ITGAE: variants seen among roughly 807,000 people sequenced by gnomAD.
ITGAE encodes the protein integrin alpha-E.
ITGAE carries 99 observed loss-of-function variants against 136.5 expected under a neutral mutation model. That is an observed-to-expected ratio of 0.73 (90% CI 0.62 to 0.86). The LOEUF (loss-of-function observed/expected upper bound fraction) is 0.86. Among genes scored for constraint, ITGAE ranks in the 40% least tolerant of loss-of-function variants. The probability of loss-of-function intolerance (pLI) is 0.00; values close to 1 mark genes in which losing one functional copy is unlikely to be tolerated. For missense variants in ITGAE, 1,447 were observed against 1,515.3 expected (o/e 0.95, Z 0.75); for synonymous variants, 613 against 591.8 (o/e 1.04, Z -0.52).
chr17:3,719,525 T>C (rs1217147315), intron 29 of ITGAE, among the ~76,000 whole-genome samples: 1 of 152,162 alleles, frequency 6.6e-6, no homozygotes, highest in Admixed American at 6.6e-5. Flanking sequence ...AAGCATTCAG[T>C]CCACAAATCA....
intron 20 of ITGAE, among the ~76,000 whole-genome samples, chr17:3,736,848 T>A (rs2051468996): frequency 6.6e-6 from 1 of 150,910 alleles, no homozygotes; most frequent in Non-Finnish European, 1.5e-5. Context: ...GCCTAGGAAG[T>A]AATGTGAGGT....
intron 1 of ITGAE, among the ~76,000 whole-genome samples, chr17:3,800,770 AACAAACT>A (rs2053237089): frequency 2.0e-5 from 3 of 152,182 alleles, no homozygotes; most frequent in African/African-American, 7.2e-5. Flanking sequence ...ACACTCAGAG[AACAAACT>A]ACAGAGTCAA....
intron 4 of ITGAE, 51 bp from the exon 5 acceptor site, chr17:3,761,571 C>A: frequency 6.7e-7 from 1 of 1,491,368 alleles, no homozygotes; most frequent in Non-Finnish European, 9.1e-7. Flanking sequence ...TCCCGATTCC[C>A]GAGCCACAGC....
chr17:3,722,533 C>T (rs909322809), intron 28 of ITGAE: 1 of 149,254 alleles, frequency 6.7e-6, no homozygotes, highest in African/African-American at 2.5e-5. Flanking sequence ...TAAGAAGAAA[C>T]CACCTACGTC....
intron 1 of ITGAE, among the ~76,000 whole-genome samples, chr17:3,784,093 T>C (rs1022816172): frequency 1.3e-5 from 2 of 152,122 alleles, no homozygotes; most frequent in South Asian, 2.1e-4. Context: ...ACCCCGTCTC[T>C]ACTAAAAATA....
chr17:3,795,965 GCGTGTGTGCATCCGTGTGTGCATC>G (rs2053069142), intron 1 of ITGAE, among the ~76,000 whole-genome samples: 1 of 134,338 alleles, frequency 7.4e-6, no homozygotes, highest in Non-Finnish European at 1.6e-5. Context: ...CCCTGTGTGT[GCGTGTGTGCATCCGTGTGTGCATC>G]TGTGTGTGCA....
At chr17:3,725,140 T>C in intron 26 of ITGAE, 2 of 1,614,114 alleles carry the variant, frequency 1.2e-6, no homozygotes, top group Non-Finnish European at 1.7e-6. Flanking sequence ...GTGTCAGAGG[T>C]CTGCAGCATC....
rs770019742 is a variant in ITGAE, at chr17:3,777,558, G to A, written c.137C>T (p.Pro46Leu). The change falls in exon 2 of 31, where the codon CCC (proline) becomes CTC (leucine). Residue 46 changes from proline (P) to leucine (L), a missense_variant. Physicochemically the swap from Pro to Leu is moderately conservative, Grantham distance 98 (BLOSUM62 -3). Coordinates refer to ENST00000263087, the MANE Select transcript of ITGAE (RefSeq NM_002208.5). ...FVLSSLLHQDPSTNQTWLLVT... is the reference protein window; with the variant it reads ...FVLSSLLHQDLSTNQTWLLVT... The stretch of plus-strand genomic sequence containing the variant: ...TACTCACCAGGTCTGGTTGGTGCTG[G>A]GGTCTTGGTGCAGAAGGGAGCTGAG... 3.7e-6 allele frequency: 6 copies of A among 1,613,672 alleles called. No homozygotes were observed. In the East Asian group the frequency reaches 1.3e-4, roughly 36 times the overall value.
intron 1 of ITGAE, among the ~76,000 whole-genome samples, chr17:3,780,426 G>A (rs550093854): frequency 7.2e-4 from 109 of 151,864 alleles, no homozygotes; most frequent in Non-Finnish European, 1.4e-3. Flanking sequence ...GCCTCCCAAA[G>A]TGCTGGGATT....
chr17:3,772,834 C>T (rs750074100), intron 2 of ITGAE, among the ~76,000 whole-genome samples: 2 of 152,156 alleles, frequency 1.3e-5, no homozygotes, highest in East Asian at 1.9e-4. Context: ...TAGGAAACGT[C>T]GAGCTCTGTC....
At chr17:3,774,708 T>C (rs1331213237) in intron 2 of ITGAE, among the ~76,000 whole-genome samples, 1 of 152,104 alleles carries the variant, frequency 6.6e-6, no homozygotes, top group African/African-American at 2.4e-5. Context: ...GAGGTTGCAG[T>C]GAGCTGAGAT....
intron 21 of ITGAE, among the ~76,000 whole-genome samples, chr17:3,732,903 G>T (rs1173620166): frequency 6.6e-6 from 1 of 152,210 alleles, no homozygotes; most frequent in Non-Finnish European, 1.5e-5. Flanking sequence ...GGCAGGTGAT[G>T]ACTGCAGTGA....
intron 27 of ITGAE, 140 bp downstream of exon 27, chr17:3,723,548 C>G: frequency 9.4e-7 from 1 of 1,059,658 alleles, no homozygotes; most frequent in Non-Finnish European, 1.4e-6. Context: ...CAATTGAGAC[C>G]CAGGGACGAA....
At chr17:3,796,094 CGTGT>C (rs575168664) in intron 1 of ITGAE, among the ~76,000 whole-genome samples, 6 of 81,866 alleles carry the variant, frequency 7.3e-5, no homozygotes, top group Non-Finnish European at 1.5e-4. Context: ...TGTATGCATC[CGTGT>C]GTGTGCATCC....
At chr17:3,722,711 G>A (rs985821907) in intron 28 of ITGAE, among the ~76,000 whole-genome samples, 2 of 152,168 alleles carry the variant, frequency 1.3e-5, no homozygotes, top group African/African-American at 2.4e-5. Context: ...GAAGAATTAA[G>A]CAGAGACCAG....
At chr17:3,765,131 C>T (rs1487314772) in intron 2 of ITGAE, among the ~76,000 whole-genome samples, 6 of 151,954 alleles carry the variant, frequency 3.9e-5, no homozygotes, top group East Asian at 3.9e-4. Flanking sequence ...AGGCAGATCA[C>T]GAGGTCAGGA....
chr17:3,783,038 C>T lies in ITGAE; in HGVS notation c.35-5378G>A, dbSNP rs959981818. ...GCTGAAGATTCTATGATTCTGAAGT[C>T]GATGAGCGCACAGCCTATTTCCATG... On this transcript the variant is annotated intron_variant, in intron 1 of 30. Coordinates refer to ENST00000263087, the MANE Select transcript of ITGAE (RefSeq NM_002208.5). Among the ~76,000 whole-genome samples the T allele has an allele frequency of 7.9e-5, 12 of 152,276 alleles. 1 individual carries two copies. Among genetic ancestry groups the T allele is most frequent in the East Asian group, 3.9e-4 (2 of 5,194 alleles).
chr17:3,788,748 ATTAT>A (rs2052861780), intron 1 of ITGAE, among the ~76,000 whole-genome samples: 1 of 139,028 alleles, frequency 7.2e-6, no homozygotes, highest in South Asian at 2.2e-4. Context: ...TATTAAAATA[ATTAT>A]TTAAAAATAA....
chr17:3,777,418 A>C, intron 2 of ITGAE, 122 bp downstream of exon 2: 1 of 1,287,074 alleles, frequency 7.8e-7, no homozygotes, highest in Non-Finnish European at 1.1e-6. Flanking sequence ...CTTCTGAAAG[A>C]GAAAGGAGTT....
Sources: gnomAD v4.1 joint callset for allele counts (sites outside exome capture counted in the v4.1 genomes callset) on GRCh38, gnomAD v4.1.1 for gene constraint, MANE v1.5 for transcripts, NCBI Gene and HGNC (gene_info 2026-07-23, HGNC 2026-07-21) for gene names.